TTC28: variants seen among roughly 807,000 people sequenced by gnomAD.
TTC28 encodes the protein tetratricopeptide repeat domain 28, also known as tetratricopeptide repeat protein 28.
Under a neutral mutation model 198.0 loss-of-function variants are expected in TTC28, and 61 were observed. That is an observed-to-expected ratio of 0.31 (90% confidence interval 0.25 to 0.38). TTC28 has a LOEUF of 0.38. TTC28 is among the 10% of genes least tolerant of loss of function. The pLI, the probability that TTC28 is intolerant of heterozygous loss-of-function variation, is 1.00. For missense variants in TTC28, 2,678 were observed against 3,164.0 expected (o/e 0.85, Z 3.69); for synonymous variants, 1,171 against 1,297.8 (o/e 0.90, Z 2.10).
At chr22:28,518,616 A>T (rs1231262081) in intron 2 of TTC28, among the ~76,000 whole-genome samples, 2 of 152,282 alleles carry the variant, frequency 1.3e-5, no homozygotes, top group Non-Finnish European at 1.5e-5. Context: ...TCTATTTTTT[A>T]AAAAAAGAAT....
In TTC28 at chr22:27,979,008, G is replaced by A. The variant is rs1936933311; in HGVS notation, c.*3213C>T. ...ACATCCATGGACTCCTCCCAAGTGG[G>A]ACAAAGAGCCAAGGGCTATGCAGGA... On this transcript the variant is annotated 3_prime_UTR_variant, in exon 23 of 23. Transcript: ENST00000397906. 6.6e-6 allele frequency: 1 copy of A among 152,188 alleles called. No homozygotes were observed. Among genetic ancestry groups the A allele is most frequent in the African/African-American group, 2.4e-5 (1 of 41,428 alleles). 9.4% of individuals were successfully genotyped at this position (152,188 alleles called of 1,614,324 possible). A position where few individuals can be genotyped will look rare whatever the true frequency, so the allele number is the denominator to read the frequency against.
intron 1 of TTC28, among the ~76,000 whole-genome samples, chr22:28,646,604 C>T (rs537229820): frequency 2.0e-5 from 3 of 152,290 alleles, no homozygotes; most frequent in Non-Finnish European, 2.9e-5. Flanking sequence ...GTGGCTCACA[C>T]CTGTAATCCC....
At chr22:28,520,716 C>A (rs1474784918) in intron 2 of TTC28, among the ~76,000 whole-genome samples, 1 of 152,068 alleles carries the variant, frequency 6.6e-6, no homozygotes, top group African/African-American at 2.4e-5. Context: ...TATGATCACA[C>A]CACTGCATTC....
intron 5 of TTC28, among the ~76,000 whole-genome samples, chr22:28,251,240 T>C (rs1930486840): frequency 6.6e-6 from 1 of 152,210 alleles, no homozygotes; most frequent in African/African-American, 2.4e-5. Flanking sequence ...ATGGGAACGA[T>C]AAAAGGCCTT....
In TTC28 at chr22:28,016,360, G is replaced by A. The variant is rs117009690; in HGVS notation, c.4074-1968C>T. On this transcript the variant is annotated intron_variant, in intron 13 of 22. Coordinates refer to ENST00000397906, the MANE Select transcript of TTC28 (RefSeq NM_001145418.2). ...GATTACCAAATTGCTCTCCCGAGGA[G>A]ACGCTTTGGCATGACGCGCGGTGTC... Among the ~76,000 whole-genome samples the A allele has an allele frequency of 1.4e-3, 210 of 152,354 alleles. 2 individuals carry two copies. The East Asian group carries it at 0.02, about 14-fold the overall frequency.
chr22:28,671,158 T>G (rs1483179461), intron 1 of TTC28, among the ~76,000 whole-genome samples: 1 of 152,020 alleles, frequency 6.6e-6, no homozygotes, highest in Non-Finnish European at 1.5e-5. Context: ...TTGCCCAGGC[T>G]GATCTCAAAC....
intron 12 of TTC28, among the ~76,000 whole-genome samples, chr22:28,031,596 C>G (rs1445092746): frequency 2.0e-5 from 3 of 152,270 alleles, no homozygotes; most frequent in African/African-American, 7.2e-5. Context: ...AATGGCCAAG[C>G]TGGCGACACC....
intron 2 of TTC28, among the ~76,000 whole-genome samples, chr22:28,546,377 C>G (rs1312593298): frequency 6.6e-6 from 1 of 152,076 alleles, no homozygotes; most frequent in Non-Finnish European, 1.5e-5. Flanking sequence ...ACCCGGGAGG[C>G]GGGGGTTGCA....
chr22:27,987,455 G>C (rs1937249894), intron 21 of TTC28, among the ~76,000 whole-genome samples: 1 of 152,258 alleles, frequency 6.6e-6, no homozygotes, highest in South Asian at 2.1e-4. Context: ...GTCTTGGCCA[G>C]GTGCGGTGGC....
At chr22:28,144,606 G>C (rs1351352986) in intron 6 of TTC28, among the ~76,000 whole-genome samples, 1 of 152,144 alleles carries the variant, frequency 6.6e-6, no homozygotes, top group African/African-American at 2.4e-5. Flanking sequence ...TTTTAAAAAA[G>C]ACAAATCTCT....
At chr22:28,029,865 A>C (rs1446336079) in intron 13 of TTC28, among the ~76,000 whole-genome samples, 1 of 152,184 alleles carries the variant, frequency 6.6e-6, no homozygotes, top group Non-Finnish European at 1.5e-5. Flanking sequence ...CTGGCCCAGG[A>C]GTTACCTGCA....
At chr22:28,460,555 T>C (rs886317553) in intron 2 of TTC28, among the ~76,000 whole-genome samples, 4 of 150,910 alleles carry the variant, frequency 2.7e-5, no homozygotes, top group Non-Finnish European at 5.9e-5. Context: ...TATATATATA[T>C]GTATGTATGT....
At chr22:28,625,866 G>T (rs764767434) in intron 2 of TTC28, among the ~76,000 whole-genome samples, 13 of 152,112 alleles carry the variant, frequency 8.5e-5, no homozygotes, top group Non-Finnish European at 1.8e-4. Flanking sequence ...GTGAAATAGA[G>T]AATCTAGTAA....
intron 12 of TTC28, among the ~76,000 whole-genome samples, chr22:28,083,821 C>T (rs773502097): frequency 1.3e-5 from 2 of 152,250 alleles, no homozygotes; most frequent in Non-Finnish European, 2.9e-5. Flanking sequence ...CCTCATACTG[C>T]GCTCTTCCAA....
chr22:28,512,586 T>G (rs932443144), intron 2 of TTC28, among the ~76,000 whole-genome samples: 1 of 152,218 alleles, frequency 6.6e-6, no homozygotes, highest in African/African-American at 2.4e-5. Flanking sequence ...CATGGAATAC[T>G]ATGCAGCCAT....
intron 5 of TTC28, among the ~76,000 whole-genome samples, chr22:28,197,257 A>AC (rs1377839308): frequency 9.4e-6 from 1 of 106,738 alleles, no homozygotes; most frequent in Non-Finnish European, 1.8e-5. Flanking sequence ...AACATCACAC[A>AC]CCGGGGACTG....
chr22:28,646,090 A>G (rs564790990), intron 1 of TTC28, among the ~76,000 whole-genome samples: 1 of 152,244 alleles, frequency 6.6e-6, no homozygotes, highest in African/African-American at 2.4e-5. Flanking sequence ...GGCCAGAGAA[A>G]AAAGTGAAGG....
At chr22:27,996,304 C>A (rs1248584364) in intron 16 of TTC28, 45 bp from the exon 17 acceptor site, 3 of 1,536,206 alleles carry the variant, frequency 2.0e-6, no homozygotes, top group East Asian at 4.9e-5. Flanking sequence ...AGCTGGAGAC[C>A]CCCAGCCCCA....
In TTC28 at chr22:28,374,741, G is replaced by C. The variant is rs149542025; in HGVS notation, c.382-68098C>G. 2.6e-4 allele frequency among the ~76,000 whole-genome samples: 39 copies of C among 152,278 alleles called. No individual in the cohort carries two copies. In the East Asian group the frequency reaches 7.1e-3, roughly 28 times the overall value. On this transcript the variant is annotated intron_variant, in intron 2 of 22. Transcript: ENST00000397906. ...CTGTCACCCAGGCTGGAGTGCAGTG[G>C]CACGATCTCGGCTCACTGCAACCTC... is the stretch of plus-strand genomic sequence containing the variant.
Sources: gnomAD v4.1 joint callset for allele counts (sites outside exome capture counted in the v4.1 genomes callset) on GRCh38, gnomAD v4.1.1 for gene constraint, MANE v1.5 for transcripts, NCBI Gene and HGNC (gene_info 2026-07-23, HGNC 2026-07-21) for gene names.